Variants in NFAT5 observed in about 807,000 individuals in gnomAD.
NFAT5 encodes the protein nuclear factor of activated T cells 5.
A neutral mutation model predicts 166.5 loss-of-function variants in NFAT5; 31 were observed. That is an observed-to-expected ratio of 0.19 (90% CI 0.14 to 0.25). The LOEUF is 0.25. Ranked by LOEUF, NFAT5 falls within the 10% of genes least tolerant of loss-of-function variation. The pLI is 1.00. For missense variants in NFAT5, 1,449 were observed against 1,821.8 expected, an observed-to-expected ratio of 0.80 and a Z score of 3.72; for synonymous variants, 612 against 639.7, an observed-to-expected ratio of 0.96 and a Z score of 0.65.
At chr16:69,603,015 C>A (rs2033220003) in intron 2 of NFAT5, among the ~76,000 whole-genome samples, 1 of 151,668 alleles carries the variant, frequency 6.6e-6, no homozygotes, top group Admixed American at 6.6e-5. Context: ...TACATGTATT[C>A]AAAGAATATT....
chr16:69,665,132 C>T (rs1208482111), intron 7 of NFAT5, among the ~76,000 whole-genome samples: 1 of 152,070 alleles, frequency 6.6e-6, no homozygotes, highest in Non-Finnish European at 1.5e-5. Flanking sequence ...GGACTCATCT[C>T]GTAAACTTTA....
intron 3 of NFAT5, among the ~76,000 whole-genome samples, chr16:69,639,144 A>G (rs1428067362): frequency 2.0e-5 from 3 of 152,182 alleles, no homozygotes; most frequent in Non-Finnish European, 4.4e-5. Context: ...ATGATGGAAA[A>G]CATCTTTTTC....
intron 6 of NFAT5, among the ~76,000 whole-genome samples, chr16:69,658,770 T>C (rs2151643467): frequency 6.6e-6 from 1 of 152,156 alleles, no homozygotes; most frequent in African/African-American, 2.4e-5. Flanking sequence ...GAGGTTGTAG[T>C]GAGCTGAGGT....
In NFAT5 at chr16:69,641,562, G is replaced by A. The variant is rs144456497; in HGVS notation, c.254-5466G>A. ...TTTCTGTCATATATTTTAAAGCAGT[G>A]AAAGGTATTTCTTTCTTTTGAGGAC... On this transcript the variant is annotated intron_variant, in intron 3 of 14. Coordinates refer to ENST00000349945, the MANE Select transcript of NFAT5 (RefSeq NM_138713.4). Among the ~76,000 whole-genome samples, 314 of 152,152 alleles carry A rather than the reference G, an allele frequency of 2.1e-3. 2 individuals carry two copies. The highest frequency in any genetic ancestry group is 6.9e-3 in the African/African-American group (287 of 41,528).
intron 2 of NFAT5, among the ~76,000 whole-genome samples, chr16:69,581,187 T>C (rs2031663756): frequency 6.6e-6 from 1 of 151,558 alleles, no homozygotes; most frequent in Non-Finnish European, 1.5e-5. Flanking sequence ...ACTACAGGAG[T>C]GTGCCACCAC....
chr16:69,669,867 ACTC>A (rs1267163545), intron 7 of NFAT5, 107 bp from the exon 8 acceptor site: 3 of 878,928 alleles, frequency 3.4e-6, no homozygotes, highest in East Asian at 5.8e-5. Context: ...AATATTTATT[ACTC>A]CTCCTTCAAT....
intron 10 of NFAT5, among the ~76,000 whole-genome samples, chr16:69,679,217 C>A (rs2036955996): frequency 6.6e-6 from 1 of 152,104 alleles, no homozygotes; most frequent in South Asian, 2.1e-4. Flanking sequence ...AGGCGTGAGC[C>A]ACCACTCCCA....
At chr16:69,649,495 A>G in intron 4 of NFAT5, 3 of 984,042 alleles carry the variant, frequency 3.0e-6, no homozygotes, top group Non-Finnish European at 3.6e-6. Context: ...ACATTGGTCA[A>G]GACAGACTCT....
chr16:69,686,384 A>G (rs982390198), intron 11 of NFAT5, among the ~76,000 whole-genome samples: 13 of 151,912 alleles, frequency 8.6e-5, no homozygotes, highest in African/African-American at 2.7e-4. Context: ...TTAACCGGGC[A>G]TGGTGGCATG....
At chr16:69,597,423 T>C (rs1157169319) in intron 2 of NFAT5, among the ~76,000 whole-genome samples, 1 of 152,156 alleles carries the variant, frequency 6.6e-6, no homozygotes, top group Non-Finnish European at 1.5e-5. Context: ...CACATTATCC[T>C]AAAAGTTGAA....
At chr16:69,651,422 C>T (rs1030726838) in intron 4 of NFAT5, among the ~76,000 whole-genome samples, 10 of 152,172 alleles carry the variant, frequency 6.6e-5, no homozygotes, top group African/African-American at 1.7e-4. Flanking sequence ...TGCCTTTCCT[C>T]ACTTTGTTCT....
intron 2 of NFAT5, among the ~76,000 whole-genome samples, chr16:69,611,185 A>G (rs2033688914): frequency 6.6e-6 from 1 of 152,220 alleles, no homozygotes; most frequent in Non-Finnish European, 1.5e-5. Context: ...GTATGTTTAC[A>G]AGGACATGAT....
At chr16:69,681,845 G>A (rs1287689980) in intron 10 of NFAT5, among the ~76,000 whole-genome samples, 1 of 151,422 alleles carries the variant, frequency 6.6e-6, no homozygotes, top group African/African-American at 2.4e-5. Flanking sequence ...ATGAACCCGG[G>A]AGGCAGAGCT....
intron 2 of NFAT5, among the ~76,000 whole-genome samples, chr16:69,625,012 G>A (rs1367655508): frequency 6.6e-6 from 1 of 151,880 alleles, no homozygotes; most frequent in African/African-American, 2.4e-5. Flanking sequence ...TGATTCTCCT[G>A]CTTCAGCCTT....
At chr16:69,583,964 C>T (rs1372909080) in intron 2 of NFAT5, among the ~76,000 whole-genome samples, 1 of 152,092 alleles carries the variant, frequency 6.6e-6, no homozygotes, top group Non-Finnish European at 1.5e-5. Flanking sequence ...GTGGCTCACA[C>T]CTGTAATCCT....
chr16:69,601,437 G>A (rs188364263), intron 2 of NFAT5, among the ~76,000 whole-genome samples: 5 of 152,192 alleles, frequency 3.3e-5, no homozygotes, highest in African/African-American at 1.2e-4. Context: ...GCGCAATCAC[G>A]GCTCACTGTA....
intron 2 of NFAT5, among the ~76,000 whole-genome samples, chr16:69,597,845 A>G (rs33060): frequency 0.89 from 135,554 of 151,992 alleles, 60,629 homozygotes; most frequent in African/African-American, 0.96. Context: ...CACCTGCCTC[A>G]GCCTCCCAAA....
At position 69,568,389 on chromosome 16, in the gene NFAT5, T is replaced by C. The variant is rs1016794832; in HGVS notation, c.74-106T>C. On this transcript the variant is annotated intron_variant, in intron 1 of 14. Coordinates refer to ENST00000349945, the MANE Select transcript of NFAT5 (RefSeq NM_138713.4). ...GTGTGTGTGTGTGTATATATATATATATATACACACACACACATTGCAGTT... is the reference window on the plus strand; with the variant it reads ...GTGTGTGTGTGTGTATATATATATACATATACACACACACACATTGCAGTT... 21 of 504,666 alleles carry C rather than the reference T, an allele frequency of 4.2e-5. No homozygotes were observed. In the African/African-American group the frequency reaches 4.2e-4, roughly 10 times the overall value. 31.3% of individuals were successfully genotyped at this position (504,666 alleles called of 1,614,324 possible).
chr16:69,670,186 G>GT, intron 8 of NFAT5, 50 bp from the exon 9 acceptor site: 1 of 1,538,990 alleles, frequency 6.5e-7, no homozygotes, highest in South Asian at 1.2e-5. Context: ...TAGCTACAGA[G>GT]TAAAAAAAAT....
Sources: allele counts gnomAD v4.1 joint callset (sites outside exome capture counted in the v4.1 genomes callset), GRCh38; gene constraint gnomAD v4.1.1; transcripts MANE v1.5; gene names NCBI Gene and HGNC (gene_info 2026-07-23, HGNC 2026-07-21).